TRAF3: variants seen among roughly 807,000 people sequenced by gnomAD.
The protein encoded by TRAF3 is TNF receptor associated factor 3.
A neutral mutation model predicts 62.3 loss-of-function variants in TRAF3; 13 were observed. The observed-to-expected ratio is 0.21, with a 90% CI of 0.14 to 0.33. The LOEUF (loss-of-function observed/expected upper bound fraction) is 0.33. Among genes scored for constraint, TRAF3 ranks in the 10% least tolerant of loss-of-function variants. The pLI is 1.00. For missense variants in TRAF3, 440 were observed against 741.8 expected (o/e 0.59, Z 4.73); for synonymous variants, 269 against 283.4 (o/e 0.95, Z 0.51).
intron 1 of TRAF3, among the ~76,000 whole-genome samples, chr14:102,801,433 T>TA (rs1898404634): frequency 6.6e-6 from 1 of 152,210 alleles, no homozygotes; most frequent in South Asian, 2.1e-4. Flanking sequence ...ATTGTGGTGC[T>TA]ATAGATACCC....
chr14:102,834,703 A>AAAAAG (rs1555370028), intron 2 of TRAF3, among the ~76,000 whole-genome samples: 3 of 151,278 alleles, frequency 2.0e-5, no homozygotes, highest in East Asian at 1.9e-4. Flanking sequence ...AAAAAAAAAA[A>AAAAAG]AAAAGAAATT....
intron 2 of TRAF3, among the ~76,000 whole-genome samples, chr14:102,861,445 CA>C (rs1042012618): frequency 2.9e-4 from 44 of 152,322 alleles, no homozygotes; most frequent in African/African-American, 1.0e-3. Context: ...CTTTTATTAA[CA>C]GGCACCTTTA....
At chr14:102,821,724 C>T (rs771037957) in intron 1 of TRAF3, among the ~76,000 whole-genome samples, 1 of 152,150 alleles carries the variant, frequency 6.6e-6, no homozygotes, top group Non-Finnish European at 1.5e-5. Context: ...TAAACATGTC[C>T]GTTTCCAAGT....
chr14:102,792,004 A>G (rs1439382526), intron 1 of TRAF3, among the ~76,000 whole-genome samples: 1 of 149,810 alleles, frequency 6.7e-6, no homozygotes, highest in Non-Finnish European at 1.5e-5. Flanking sequence ...TATTTTTGGT[A>G]GAGATGGGTT....
At chr14:102,804,563 C>T (rs150984717) in intron 1 of TRAF3, among the ~76,000 whole-genome samples, 450 of 152,250 alleles carry the variant, frequency 3.0e-3, no homozygotes, top group African/African-American at 0.01. Flanking sequence ...TCTCAGCTCA[C>T]AGGAGCATCA....
At chr14:102,813,007 C>T (rs987770040) in intron 1 of TRAF3, among the ~76,000 whole-genome samples, 9 of 152,088 alleles carry the variant, frequency 5.9e-5, no homozygotes, top group Admixed American at 3.9e-4. Context: ...GGTGGAGTCT[C>T]GCTCTGTCGC....
At chr14:102,849,904 G>T (rs1886936973) in intron 2 of TRAF3, among the ~76,000 whole-genome samples, 1 of 152,188 alleles carries the variant, frequency 6.6e-6, no homozygotes, top group African/African-American at 2.4e-5. Context: ...TTGCCCTGCT[G>T]GGCTTGATGT....
Position 102,903,275 on chromosome 14 carries a change from A to T in TRAF3, c.981A>T (p.Ala327=). ...LHLQRVIDSQ[A]EKLKELDKEI... Reference sequence around the variant, plus strand: ...GGAAGCGAGTGATAGACAGCCAAGCAGAGAAACTGAAGGAGCTTGACAAGG... The same window carrying T: ...GGAAGCGAGTGATAGACAGCCAAGCTGAGAAACTGAAGGAGCTTGACAAGG... The change falls in exon 11 of 12, where the codon GCA becomes GCT. Residue 327 remains alanine, a synonymous_variant. Transcript: ENST00000392745. The surrounding 1 kb of genome is among the most constrained non-coding windows in gnomAD (Gnocchi z 6.4). The T allele has an allele frequency of 6.2e-7, 1 of 1,614,236 alleles. No individual in the cohort carries two copies. Among genetic ancestry groups the T allele is most frequent in the Non-Finnish European group, 8.5e-7 (1 of 1,180,038 alleles).
In TRAF3 at chr14:102,908,432, A is replaced by C. The variant is rs1241230135; in HGVS notation, c.*2648A>C. 6.6e-6 allele frequency: 1 copy of C among 152,370 alleles called. No individual in the cohort carries two copies. The highest frequency in any genetic ancestry group is 1.5e-5 in the Non-Finnish European group (1 of 68,138). 9.4% of individuals were successfully genotyped at this position (152,370 alleles called of 1,614,324 possible). ...TCATGTACTCAACACAGTGGGCAGCAGCCTGGGACGGCGTCCCCTCTCCCG... is the reference window on the plus strand; with the variant it reads ...TCATGTACTCAACACAGTGGGCAGCCGCCTGGGACGGCGTCCCCTCTCCCG... On this transcript the variant is annotated 3_prime_UTR_variant, in exon 12 of 12. Transcript: ENST00000392745.
intron 2 of TRAF3, among the ~76,000 whole-genome samples, chr14:102,850,609 G>A (rs1395650909): frequency 1.4e-5 from 2 of 147,188 alleles, no homozygotes; most frequent in African/African-American, 5.1e-5. Flanking sequence ...CAGGAGAATC[G>A]TTTGAACCTG....
intron 2 of TRAF3, among the ~76,000 whole-genome samples, chr14:102,842,343 T>C (rs1025315944): frequency 6.7e-6 from 1 of 149,588 alleles, no homozygotes; most frequent in African/African-American, 2.4e-5. Context: ...TACACATGTA[T>C]ATGTATATAT....
intron 7 of TRAF3, among the ~76,000 whole-genome samples, chr14:102,887,341 G>A (rs945585986): frequency 2.6e-5 from 4 of 152,212 alleles, no homozygotes; most frequent in Non-Finnish European, 5.9e-5. Flanking sequence ...GCATGCCCCT[G>A]ACTGAGCAAG....
At chr14:102,812,134 GCT>G (rs1406664709) in intron 1 of TRAF3, among the ~76,000 whole-genome samples, 6 of 151,594 alleles carry the variant, frequency 4.0e-5, no homozygotes, top group Non-Finnish European at 8.8e-5. Flanking sequence ...TTCCTGTCTA[GCT>G]CTCTCCCCAT....
intron 1 of TRAF3, among the ~76,000 whole-genome samples, chr14:102,790,929 G>A (rs1474623547): frequency 6.6e-6 from 1 of 152,012 alleles, no homozygotes; most frequent in Admixed American, 6.6e-5. Context: ...AATTTTAATA[G>A]GGAGGGGATT....
Position 102,783,207 on chromosome 14 carries a change from C to T in TRAF3, c.-157+5532C>T, listed in dbSNP as rs1033810493. On this transcript the variant is annotated intron_variant, in intron 1 of 11. Transcript: ENST00000392745. Reference sequence around the variant, plus strand: ...GGTTCCATGTGTTTGGAATGTGTGTCGGCACTTGGGTGTGCCTTGTAGCTG... The same window carrying T: ...GGTTCCATGTGTTTGGAATGTGTGTTGGCACTTGGGTGTGCCTTGTAGCTG... Among the ~76,000 whole-genome samples, 4 of 152,112 alleles carry T rather than the reference C, an allele frequency of 2.6e-5. 1 individual carries two copies. The highest frequency in any genetic ancestry group is 5.9e-5 in the Non-Finnish European group (4 of 68,028).
intron 1 of TRAF3, among the ~76,000 whole-genome samples, chr14:102,807,875 C>T (rs1354280588): frequency 6.6e-6 from 1 of 152,072 alleles, no homozygotes; most frequent in Non-Finnish European, 1.5e-5. Flanking sequence ...GTTAGTTGGC[C>T]TTTTTACGAA....
chr14:102,802,827 C>G (rs933318116), intron 1 of TRAF3, among the ~76,000 whole-genome samples: 1 of 151,100 alleles, frequency 6.6e-6, no homozygotes, highest in African/African-American at 2.4e-5. Context: ...GACTCTGTCT[C>G]AAAAAAAAGA....
rs1363246641 is a variant in TRAF3, at chr14:102,876,575, C to T, written c.570+50C>T. On this transcript the variant is annotated intron_variant, in intron 6 of 11. Coordinates refer to ENST00000392745, the MANE Select transcript of TRAF3 (RefSeq NM_145725.3). ...CCTTCCACTCAATTCCTATATGATA[C>T]ATTCCACAGGCCTTCCGCTCAATTC... The T allele has an allele frequency of 1.9e-6, 3 of 1,600,850 alleles. 1 individual carries two copies. Among genetic ancestry groups the T allele is most frequent in the South Asian group, 2.2e-5 (2 of 89,384 alleles).
intron 1 of TRAF3, among the ~76,000 whole-genome samples, chr14:102,799,625 A>G (rs745510983): frequency 7.9e-5 from 12 of 151,938 alleles, no homozygotes; most frequent in Non-Finnish European, 1.0e-4. Flanking sequence ...TAATTTTTGT[A>G]TTTTTAGTAG....
Sources: gnomAD v4.1 joint callset for allele counts (sites outside exome capture counted in the v4.1 genomes callset) on GRCh38, gnomAD v4.1.1 for gene constraint, Gnocchi (gnomAD v3.1) non-coding constraint, MANE v1.5 for transcripts, NCBI Gene and HGNC (gene_info 2026-07-23, HGNC 2026-07-21) for gene names.